RABEPK: variants seen among roughly 807,000 people sequenced by gnomAD.
The protein encoded by RABEPK is 40 kDa Rab9 effector protein.
In RABEPK, 27 loss-of-function variants were observed where a neutral mutation model predicts 34.1. The observed-to-expected ratio is 0.79, with a 90% confidence interval of 0.58 to 1.09. The LOEUF is 1.09. Ranked by LOEUF, RABEPK falls within the 50% of genes least tolerant of loss-of-function variation. RABEPK has a pLI of 0.00. For missense variants in RABEPK, 449 were observed against 462.6 expected (o/e 0.97, Z 0.27); for synonymous variants, 172 against 169.2 (o/e 1.02, Z -0.13).
At chr9:125,211,122 A>C (rs1830567270) in intron 3 of RABEPK, among the ~76,000 whole-genome samples, 1 of 149,630 alleles carries the variant, frequency 6.7e-6, no homozygotes, top group African/African-American at 2.4e-5. Context: ...CTGTAGTCCC[A>C]GCTACTCGGG....
Position 125,213,497 on chromosome 9 carries a change from A to G in RABEPK, c.339A>G (p.Arg113=), listed in dbSNP as rs1830720916. 6.2e-7 allele frequency: 1 copy of G among 1,614,042 alleles called. No individual in the cohort carries two copies. The highest frequency in any genetic ancestry group is 8.5e-7 in the Non-Finnish European group (1 of 1,180,004). ...VFGGANQSGN[R]NCLQVLNPET... ...GAGGTGCCAACCAATCAGGAAATCG[A>G]AATTGTCTACAAGTCCTGAATCCTG... is the stretch of plus-strand genomic sequence containing the variant. Residue 113 remains arginine (R), a synonymous_variant, in exon 4 of 8, where the codon CGA becomes CGG. Transcript: ENST00000373538.
At chr9:125,202,572 G>C (rs1017205344) in intron 1 of RABEPK, among the ~76,000 whole-genome samples, 3 of 152,000 alleles carry the variant, frequency 2.0e-5, no homozygotes, top group South Asian at 2.1e-4. Context: ...GCTCACACCT[G>C]TAATCCCAGC....
chr9:125,202,558 G>A (rs1263145350), intron 1 of RABEPK, among the ~76,000 whole-genome samples: 1 of 151,492 alleles, frequency 6.6e-6, no homozygotes, highest in Non-Finnish European at 1.5e-5. Context: ...GGCCAGGCAC[G>A]GTGGCTCACA....
At chr9:125,207,235 C>G (rs1232268012) in intron 2 of RABEPK, among the ~76,000 whole-genome samples, 1 of 152,128 alleles carries the variant, frequency 6.6e-6, no homozygotes, top group Non-Finnish European at 1.5e-5. Flanking sequence ...AATTCATACA[C>G]CATGCTCACA....
chr9:125,229,761 G>A (rs1051814284), intron 6 of RABEPK, among the ~76,000 whole-genome samples: 2 of 152,194 alleles, frequency 1.3e-5, no homozygotes, highest in African/African-American at 2.4e-5. Flanking sequence ...TTAAATGGTT[G>A]AAAACAGTGG....
At chr9:125,206,367 G>A (rs1207500798) in intron 2 of RABEPK, among the ~76,000 whole-genome samples, 2 of 151,984 alleles carry the variant, frequency 1.3e-5, no homozygotes, top group Non-Finnish European at 2.9e-5. Flanking sequence ...GCATGGTGGT[G>A]CGCGCCTGTA....
At chr9:125,220,460 G>A in intron 4 of RABEPK, 79 bp from the exon 5 acceptor site, 1 of 1,524,998 alleles carries the variant, frequency 6.6e-7, no homozygotes, top group Non-Finnish European at 8.8e-7. Flanking sequence ...TTTGGAAACT[G>A]ACTTCACTCA....
At chr9:125,218,180 C>T (rs1192837541) in intron 4 of RABEPK, among the ~76,000 whole-genome samples, 1 of 151,006 alleles carries the variant, frequency 6.6e-6, no homozygotes, top group Non-Finnish European at 1.5e-5. Context: ...ATTAGCCGGG[C>T]ATGGTGGCGG....
At position 125,220,576 on chromosome 9, in the gene RABEPK, C is replaced by G. The variant is rs1175197035; in HGVS notation, c.402C>G (p.Pro134=). The change falls in exon 5 of 8, where the codon CCC becomes CCG. Residue 134 remains proline, a synonymous_variant. Transcript: ENST00000373538. The part of the protein sequence containing the change: ...RTWTTPEVTS[P]PPSPRTFHTS... ...GGACCACGCCAGAAGTGACCAGCCC[C>G]CCACCATCCCCAAGAACATTCCACA... 7 of 1,614,024 alleles carry G rather than the reference C, an allele frequency of 4.3e-6. No homozygotes were observed. The East Asian group carries it at 6.7e-5, about 15-fold the overall frequency.
intron 4 of RABEPK, chr9:125,220,221 C>T (rs1831226042): frequency 8.5e-6 from 9 of 1,056,548 alleles, no homozygotes; most frequent in South Asian, 8.4e-5. Flanking sequence ...AGGCTGGTTT[C>T]GAACTCCTGA....
rs538299464 is a variant in RABEPK at position 125,224,259 on chromosome 9, T to C, written c.526+3559T>C. Among the ~76,000 whole-genome samples the C allele has an allele frequency of 1.2e-3, 183 of 152,136 alleles. 1 individual carries two copies. The highest frequency in any genetic ancestry group is 4.1e-3 in the African/African-American group (172 of 41,554). Reference sequence around the variant, plus strand: ...TTTTTGCAGTACTCCTTTAAGACTTTTCTGGTATATAGAAATGATTAATTT... The same window carrying C: ...TTTTTGCAGTACTCCTTTAAGACTTCTCTGGTATATAGAAATGATTAATTT... On this transcript the variant is annotated intron_variant, in intron 5 of 7. Coordinates refer to ENST00000373538, the MANE Select transcript of RABEPK (RefSeq NM_005833.4).
At position 125,200,750 on chromosome 9, in the gene RABEPK, T is replaced by C. The variant is rs938061927; in HGVS notation, c.-163T>C. On this transcript the variant is annotated 5_prime_UTR_variant, in exon 1 of 8. Transcript: ENST00000373538. ...GGCCACTTTGACCGAATCAGCCTGT[T>C]CTTTCCCGACCCCGTCTCCTATCCC... The C allele has an allele frequency of 2.8e-4, 132 of 471,104 alleles. No individual in the cohort carries two copies. The highest frequency in any genetic ancestry group is 4.6e-4 in the Non-Finnish European group (105 of 227,070). 29.2% of individuals were successfully genotyped at this position (471,104 alleles called of 1,614,324 possible).
chr9:125,217,174 A>G (rs1170506886), intron 4 of RABEPK, among the ~76,000 whole-genome samples: 1 of 152,054 alleles, frequency 6.6e-6, no homozygotes. Flanking sequence ...ATTGGATAGT[A>G]ATAGTTTCTA....
chr9:125,212,123 G>C (rs1588350976), intron 3 of RABEPK, among the ~76,000 whole-genome samples: 1 of 152,168 alleles, frequency 6.6e-6, no homozygotes, highest in African/African-American at 2.4e-5. Context: ...TATAAAGTAG[G>C]GATAATAACT....
chr9:125,213,246 C>T (rs1830699162), intron 3 of RABEPK, 124 bp from the exon 4 acceptor site: 1 of 993,738 alleles, frequency 1.0e-6, no homozygotes, highest in South Asian at 1.6e-5. Context: ...GACAACATGC[C>T]CTTTAAGTGA....
intron 4 of RABEPK, among the ~76,000 whole-genome samples, chr9:125,219,331 G>A (rs28362111): frequency 0.024 from 3,550 of 148,880 alleles, 146 homozygotes; most frequent in African/African-American, 0.084. Context: ...CAAAGTGCTA[G>A]GGTTACAGGC....
intron 5 of RABEPK, 147 bp from the exon 6 acceptor site, chr9:125,227,763 C>A: frequency 5.6e-6 from 3 of 537,514 alleles, no homozygotes; most frequent in Non-Finnish European, 5.9e-6. Flanking sequence ...CCTGGATTGG[C>A]TGGGGGAGTT....
At chr9:125,223,506 T>C (rs1349513286) in intron 5 of RABEPK, among the ~76,000 whole-genome samples, 1 of 152,054 alleles carries the variant, frequency 6.6e-6, no homozygotes, top group East Asian at 1.9e-4. Flanking sequence ...CTCATGGCTA[T>C]ACTAATAATT....
intron 6 of RABEPK, among the ~76,000 whole-genome samples, chr9:125,231,735 G>A (rs1326720317): frequency 6.6e-6 from 1 of 151,300 alleles, no homozygotes; most frequent in Non-Finnish European, 1.5e-5. Context: ...TGGGAGTCAA[G>A]ATCAAGCCAC....
Sources: gnomAD v4.1 joint callset for allele counts (sites outside exome capture counted in the v4.1 genomes callset) on GRCh38, gnomAD v4.1.1 for gene constraint, MANE v1.5 for transcripts, NCBI Gene and HGNC (gene_info 2026-07-23, HGNC 2026-07-21) for gene names.